Variants in LUC7L3 observed in about 807,000 individuals in gnomAD.
LUC7L3 encodes luc7-like protein 3.
In LUC7L3, 6 loss-of-function variants were observed where a neutral mutation model predicts 66.8. That is an observed-to-expected ratio of 0.09 (90% confidence interval 0.05 to 0.18). The LOEUF is 0.18. LUC7L3 is among the 10% of genes least tolerant of loss of function. The pLI is 1.00. For missense variants in LUC7L3, 341 were observed against 531.1 expected (o/e 0.64, Z 3.52); for synonymous variants, 160 against 174.7 (o/e 0.92, Z 0.66).
At chr17:50,719,903 C>G in intron 1 of LUC7L3, 72 bp downstream of exon 1, 1 of 1,419,564 alleles carries the variant, frequency 7.0e-7, no homozygotes, top group East Asian at 2.5e-5. Context: ...TGTGGCCCTC[C>G]TGGCCGCGGC....
Position 50,724,614 on chromosome 17 carries a change from TG to T in LUC7L3, c.99+4784del, listed in dbSNP as rs1969036732. ...ATCTTTGGTTGCTTTAGGAAAATTGTGTGTGTGTGTGTGTGTGTGTGTGTGT... is the reference window on the plus strand; with the variant it reads ...ATCTTTGGTTGCTTTAGGAAAATTGTTGTGTGTGTGTGTGTGTGTGTGTGT... On this transcript the variant is annotated intron_variant, in intron 1 of 9. Transcript: ENST00000505658. Among the ~76,000 whole-genome samples the T allele has an allele frequency of 2.8e-4, 8 of 28,478 alleles. No individual in the cohort carries two copies. In the East Asian group the frequency reaches 7.4e-3, roughly 27 times the overall value. 18.7% of individuals were successfully genotyped at this position (28,478 alleles called of 152,430 possible). A position where few individuals can be genotyped will look rare whatever the true frequency, so the allele number is the denominator to read the frequency against.
intron 6 of LUC7L3, 96 bp from the exon 7 acceptor site, chr17:50,744,556 C>G: frequency 8.7e-7 from 1 of 1,145,042 alleles, no homozygotes; most frequent in South Asian, 1.6e-5. Flanking sequence ...AAGAGCAATT[C>G]ACACACATTA....
chr17:50,746,115 A>G (rs1970650121), intron 8 of LUC7L3, 112 bp downstream of exon 8: 2 of 1,398,158 alleles, frequency 1.4e-6, no homozygotes, highest in South Asian at 1.9e-5. Context: ...AAGCATCTTT[A>G]AGTGATAGGA....
chr17:50,743,159 G>C (rs1970451975), intron 5 of LUC7L3, among the ~76,000 whole-genome samples: 1 of 151,644 alleles, frequency 6.6e-6, no homozygotes, highest in African/African-American at 2.4e-5. Context: ...GAGCCCAGCA[G>C]TTCAAAACCA....
At chr17:50,737,059 T>A (rs941104209) in intron 2 of LUC7L3, 33 bp downstream of exon 2, 17 of 1,492,924 alleles carry the variant, frequency 1.1e-5, no homozygotes, top group Non-Finnish European at 1.6e-5. Context: ...TTTTATCAAA[T>A]TTATGATATT....
intron 1 of LUC7L3, among the ~76,000 whole-genome samples, chr17:50,721,038 A>T (rs1355124979): frequency 1.3e-5 from 2 of 151,964 alleles, no homozygotes; most frequent in Admixed American, 1.3e-4. Context: ...GAGACTAAGG[A>T]ACTGCTTACC....
At chr17:50,734,111 T>G (rs1325396119) in intron 1 of LUC7L3, among the ~76,000 whole-genome samples, 1 of 152,196 alleles carries the variant, frequency 6.6e-6, no homozygotes, top group East Asian at 1.9e-4. Flanking sequence ...ATAGTCTTTT[T>G]AAAATAAACT....
intron 6 of LUC7L3, 118 bp from the exon 7 acceptor site, chr17:50,744,533 TG>T (rs1468730107): frequency 1.1e-6 from 1 of 907,050 alleles, no homozygotes; most frequent in African/African-American, 1.7e-5. Context: ...ATTACTGATT[TG>T]GGGAAATGGA....
Position 50,743,956 on chromosome 17 carries a change from C to T in LUC7L3, c.531+146C>T. On this transcript the variant is annotated intron_variant, in intron 6 of 9. Coordinates refer to ENST00000505658, the MANE Select transcript of LUC7L3 (RefSeq NM_016424.5). ...CACAAGGTCTGTGGCATCTACTAAGCTCTGCCTTTGTGCAGTATGCAAGCA... is the reference window on the plus strand; with the variant it reads ...CACAAGGTCTGTGGCATCTACTAAGTTCTGCCTTTGTGCAGTATGCAAGCA... The T allele has an allele frequency of 3.2e-6, 2 of 630,608 alleles. 1 individual carries two copies. Among genetic ancestry groups the T allele is most frequent in the Non-Finnish European group, 5.6e-6 (2 of 358,184 alleles). 39.1% of individuals were successfully genotyped at this position (630,608 alleles called of 1,614,324 possible).
intron 7 of LUC7L3, among the ~76,000 whole-genome samples, chr17:50,745,235 GTCC>G (rs1372924644): frequency 6.6e-6 from 1 of 151,746 alleles, no homozygotes; most frequent in Non-Finnish European, 1.5e-5. Context: ...CAGGTGATCC[GTCC>G]TCCTCAGCCT....
At position 50,745,941 on chromosome 17, in the gene LUC7L3, C is replaced by T; in HGVS notation, c.915C>T (p.Asp305=). 6.2e-7 allele frequency: 1 copy of T among 1,612,804 alleles called. No homozygotes were observed. The highest frequency in any genetic ancestry group is 1.1e-5 in the South Asian group (1 of 90,750). Residue 305 remains aspartate, a synonymous_variant, in exon 8 of 10, where the codon GAC becomes GAT. Coordinates refer to ENST00000505658, the MANE Select transcript of LUC7L3 (RefSeq NM_016424.5). ...SRSRHSSRTS[D]RRCSRSRDHK... is the part of the protein sequence containing the mutation. ...GTAGACACTCAAGCCGAACATCAGA[C>T]AGAAGATGCAGCAGGTCTCGGGACC... is the stretch of plus-strand genomic sequence containing the variant.
At chr17:50,729,042 T>G (rs1225788737) in intron 1 of LUC7L3, among the ~76,000 whole-genome samples, 1 of 152,208 alleles carries the variant, frequency 6.6e-6, no homozygotes, top group Non-Finnish European at 1.5e-5. Flanking sequence ...TAACAAAAGT[T>G]TTACCATAGA....
In LUC7L3 at chr17:50,736,967, A is replaced by G. The variant is rs1356411502; in HGVS notation, c.107A>G (p.Lys36Arg). The change falls in exon 2 of 10, where the codon AAA (lysine) becomes AGA (arginine). Residue 36 changes from lysine to arginine, a missense_variant. By Grantham distance (26) the Lys-to-Arg change is conservative. Transcript: ENST00000505658. ...TTTGTTTTTCTTTACTAGGTTTGTAAATATTATCTCTGTGGTTTTTGTCCT... is the reference window on the plus strand; with the variant it reads ...TTTGTTTTTCTTTACTAGGTTTGTAGATATTATCTCTGTGGTTTTTGTCCT... ...NVRWDHESVC[K>R]YYLCGFCPAE... The G allele has an allele frequency of 6.2e-7, 1 of 1,608,310 alleles. No individual in the cohort carries two copies. Among genetic ancestry groups the G allele is most frequent in the East Asian group, 2.2e-5 (1 of 44,714 alleles).
chr17:50,742,132 T>C (rs74476404), intron 5 of LUC7L3, among the ~76,000 whole-genome samples: 15,460 of 152,056 alleles, frequency 0.1, 795 homozygotes, highest in South Asian at 0.11. Flanking sequence ...ACAGCAAATA[T>C]GAAAAGACGC....
chr17:50,720,588 G>A (rs1968680011), intron 1 of LUC7L3, among the ~76,000 whole-genome samples: 1 of 152,206 alleles, frequency 6.6e-6, no homozygotes, highest in Non-Finnish European at 1.5e-5. Context: ...ACCTACTGTA[G>A]CATTTCAAGT....
rs778770627 is a variant in LUC7L3 at position 50,740,298 on chromosome 17, T to TC, written c.167-3dup. 3.3e-5 allele frequency: 52 copies of TC among 1,592,602 alleles called. No individual in the cohort carries two copies. The African/African-American group carries it at 6.1e-4, about 19-fold the overall frequency. Reference sequence around the variant, plus strand: ...AGATAATTTATACAATTATATTTTTTCCCCCAGGTCCGTGTGAAAAAATTC... The same window carrying TC: ...AGATAATTTATACAATTATATTTTTTCCCCCCAGGTCCGTGTGAAAAAATTC... On this transcript the variant is annotated splice_polypyrimidine_tract_variant and splice_region_variant and intron_variant, in intron 2 of 9. Transcript: ENST00000505658.
At chr17:50,748,668 A>C (rs564179121) in intron 9 of LUC7L3, among the ~76,000 whole-genome samples, 1 of 152,232 alleles carries the variant, frequency 6.6e-6, no homozygotes, top group Non-Finnish European at 1.5e-5. Flanking sequence ...AGTTACGTTT[A>C]GATTAGCAAC....
chr17:50,723,879 T>C (rs937026166), intron 1 of LUC7L3: 5 of 433,336 alleles, frequency 1.2e-5, no homozygotes, highest in Admixed American at 2.5e-5. Context: ...AAGTGATCGG[T>C]CCGCCTCAGT....
intron 2 of LUC7L3, 35 bp downstream of exon 2, chr17:50,737,061 T>G: frequency 6.7e-7 from 1 of 1,495,974 alleles, no homozygotes; most frequent in African/African-American, 1.4e-5. Context: ...TTATCAAATT[T>G]ATGATATTTA....
Sources: gnomAD v4.1 joint callset for allele counts (sites outside exome capture counted in the v4.1 genomes callset) on GRCh38, gnomAD v4.1.1 for gene constraint, MANE v1.5 for transcripts, NCBI Gene and HGNC (gene_info 2026-07-23, HGNC 2026-07-21) for gene names.